The following SPAG16 variants were observed in gnomAD, a reference collection of about 807,000 sequenced individuals.
The protein encoded by SPAG16 is sperm-associated antigen 16 protein.
Under a neutral mutation model 80.4 loss-of-function variants are expected in SPAG16, and 86 were observed. The ratio of observed to expected loss-of-function variants is 1.07; its 90% CI spans 0.90 to 1.28. The LOEUF is 1.28. Ranked by LOEUF, SPAG16 falls within the 50% of genes most tolerant of loss-of-function variation. The pLI is 0.00. For synonymous variants in SPAG16, 294 were observed against 265.9 expected, an observed-to-expected ratio of 1.11 and a Z score of -1.03; for missense variants, 870 against 765.3, an observed-to-expected ratio of 1.14 and a Z score of -1.61.
chr2:213,973,468 C>T (rs1191282610), intron 12 of SPAG16, among the ~76,000 whole-genome samples: 1 of 151,952 alleles, frequency 6.6e-6, no homozygotes, highest in African/African-American at 2.4e-5. Flanking sequence ...AACAAAGAAA[C>T]AATTATTTTT....
At chr2:214,036,275 T>C (rs757228146) in intron 13 of SPAG16, among the ~76,000 whole-genome samples, 41 of 152,220 alleles carry the variant, frequency 2.7e-4, no homozygotes, top group Non-Finnish European at 5.4e-4. Flanking sequence ...CATAATTCTT[T>C]GAGCACTCTC....
At position 214,122,696 on chromosome 2, in the gene SPAG16, A is replaced by T. The variant is rs183647480; in HGVS notation, c.1593+14435A>T. ...ATTTTGCTTACTTTTCCAGCAATCC[A>T]CCTTGATGTCAACTACCATTTAGCT... On this transcript the variant is annotated intron_variant, in intron 14 of 15. Transcript: ENST00000331683. 2.9e-3 allele frequency among the ~76,000 whole-genome samples: 444 copies of T among 151,920 alleles called. 7 individuals are homozygous for T. The highest frequency in any genetic ancestry group is 0.01 in the African/African-American group (426 of 41,502).
intron 10 of SPAG16, among the ~76,000 whole-genome samples, chr2:213,747,947 C>T (rs1450275047): frequency 1.3e-5 from 2 of 152,128 alleles, no homozygotes; most frequent in Admixed American, 6.5e-5. Context: ...TGAACTTTCA[C>T]CTTTGCTTTC....
intron 9 of SPAG16, among the ~76,000 whole-genome samples, chr2:213,433,264 A>G (rs1298858731): frequency 1.4e-5 from 2 of 147,700 alleles, no homozygotes; most frequent in African/African-American, 5.4e-5. Context: ...GAACAATCAG[A>G]CGAGAAAGAA....
At chr2:213,942,289 A>C (rs2106291763) in intron 12 of SPAG16, among the ~76,000 whole-genome samples, 1 of 152,264 alleles carries the variant, frequency 6.6e-6, no homozygotes, top group East Asian at 1.9e-4. Context: ...CTCAACTCAC[A>C]AGTTGAATTC....
chr2:213,893,360 A>C (rs1575477121), intron 11 of SPAG16, among the ~76,000 whole-genome samples: 1 of 152,184 alleles, frequency 6.6e-6, no homozygotes, highest in Non-Finnish European at 1.5e-5. Context: ...GGAAACAAAC[A>C]AAAACATCTG....
At chr2:213,903,470 T>C (rs897244055) in intron 11 of SPAG16, among the ~76,000 whole-genome samples, 56 of 152,178 alleles carry the variant, frequency 3.7e-4, no homozygotes, top group African/African-American at 1.3e-3. Flanking sequence ...AAGCTCTACG[T>C]TGGCCCCTTT....
rs192944390 is a variant in SPAG16, at chr2:213,296,959, G to A, written c.184-303G>A. The A allele has an allele frequency of 1.8e-5, 14 of 795,278 alleles. No homozygotes were observed. In the Admixed American group the frequency reaches 2.5e-4, roughly 14 times the overall value. 49.3% of individuals were successfully genotyped at this position (795,278 alleles called of 1,614,324 possible). A position where few individuals can be genotyped will look rare whatever the true frequency, so the allele number is the denominator to read the frequency against. ...AAGCACTTGAGATGGGGCAAGAATG[G>A]TGATATTTAGATAGCCTTATTATTT... is the stretch of plus-strand genomic sequence containing the variant. On this transcript the variant is annotated intron_variant, in intron 2 of 15. Coordinates refer to ENST00000331683, the MANE Select transcript of SPAG16 (RefSeq NM_024532.5).
At chr2:213,717,973 G>A (rs1331550579) in intron 10 of SPAG16, among the ~76,000 whole-genome samples, 2 of 151,990 alleles carry the variant, frequency 1.3e-5, no homozygotes, top group Non-Finnish European at 2.9e-5. Context: ...AAAAGCAATG[G>A]CAACAATGCC....
At chr2:213,949,501 A>G (rs1195454461) in intron 12 of SPAG16, among the ~76,000 whole-genome samples, 1 of 152,082 alleles carries the variant, frequency 6.6e-6, no homozygotes, top group Non-Finnish European at 1.5e-5. Context: ...TTTTTTACTC[A>G]TCCAACATGG....
At chr2:214,020,679 A>C (rs1266737310) in intron 13 of SPAG16, among the ~76,000 whole-genome samples, 2 of 152,220 alleles carry the variant, frequency 1.3e-5, no homozygotes, top group East Asian at 3.8e-4. Context: ...ATCTGTACTT[A>C]CCAATGTGCA....
At position 214,356,372 on chromosome 2, in the gene SPAG16, T is replaced by C. The variant is rs144548763; in HGVS notation, c.1721-53768T>C. 3.9e-3 allele frequency among the ~76,000 whole-genome samples: 587 copies of C among 152,030 alleles called. 1 individual carries two copies. The highest frequency in any genetic ancestry group is 0.012 in the African/African-American group (504 of 41,520). ...TAGGATTGCATGCAAGTGATCCCAA[T>C]TGACACAATATGGAAGACAGTGGAG... On this transcript the variant is annotated intron_variant, in intron 15 of 15. Coordinates refer to ENST00000331683, the MANE Select transcript of SPAG16 (RefSeq NM_024532.5).
At chr2:214,150,617 A>T (rs530914846) in intron 15 of SPAG16, among the ~76,000 whole-genome samples, 2 of 152,152 alleles carry the variant, frequency 1.3e-5, no homozygotes, top group African/African-American at 4.8e-5. Context: ...CCTTTTTATT[A>T]TCTTGAGCTA....
At chr2:213,371,414 A>G (rs1480369567) in intron 8 of SPAG16, among the ~76,000 whole-genome samples, 24 of 131,598 alleles carry the variant, frequency 1.8e-4, no homozygotes, top group African/African-American at 6.3e-4. Flanking sequence ...AAAAAAAAAA[A>G]AAAAGAAAAG....
intron 10 of SPAG16, among the ~76,000 whole-genome samples, chr2:213,545,624 A>C (rs1057060372): frequency 4.6e-5 from 7 of 152,002 alleles, no homozygotes; most frequent in African/African-American, 1.7e-4. Context: ...CAATTATGGA[A>C]TCTTTGCAGT....
intron 10 of SPAG16, among the ~76,000 whole-genome samples, chr2:213,847,571 T>C (rs1389406834): frequency 6.6e-6 from 1 of 152,178 alleles, no homozygotes; most frequent in African/African-American, 2.4e-5. Context: ...CCATTCCTGA[T>C]GGACCTAGCT....
At chr2:214,095,354 T>G (rs1231875454) in intron 13 of SPAG16, among the ~76,000 whole-genome samples, 1 of 152,210 alleles carries the variant, frequency 6.6e-6, no homozygotes, top group East Asian at 1.9e-4. Context: ...CCCTTTCATA[T>G]GCTCCACATG....
At chr2:213,902,411 G>A (rs115995957) in intron 11 of SPAG16, among the ~76,000 whole-genome samples, 1,557 of 152,310 alleles carry the variant, frequency 0.01, 34 homozygotes, top group African/African-American at 0.034. Context: ...ATCATGGTGG[G>A]TGCTGAAAGG....
chr2:213,669,476 T>C (rs1157967916), intron 10 of SPAG16, among the ~76,000 whole-genome samples: 1 of 152,222 alleles, frequency 6.6e-6, no homozygotes, highest in Admixed American at 6.5e-5. Flanking sequence ...TTCAGAAATA[T>C]CCACAAATAT....
Sources: allele counts gnomAD v4.1 joint callset (sites outside exome capture counted in the v4.1 genomes callset), GRCh38; gene constraint gnomAD v4.1.1; transcripts MANE v1.5; gene names NCBI Gene and HGNC (gene_info 2026-07-23, HGNC 2026-07-21).